The following RFX7 variants were observed in gnomAD, a reference collection of about 807,000 sequenced individuals.
The protein encoded by RFX7 is regulatory factor X7.
In RFX7, 26 loss-of-function variants were observed where a neutral mutation model predicts 111.8. The observed-to-expected ratio is 0.23, with a 90% CI of 0.17 to 0.32. The LOEUF (loss-of-function observed/expected upper bound fraction) is 0.32. Ranked by LOEUF, RFX7 falls within the 10% of genes least tolerant of loss-of-function variation. The pLI, the probability that RFX7 is intolerant of heterozygous loss-of-function variation, is 1.00. For missense variants in RFX7, 1,573 were observed against 1,772.9 expected, an observed-to-expected ratio of 0.89 and a Z score of 2.02; for synonymous variants, 624 against 624.4, an observed-to-expected ratio of 1.00 and a Z score of 0.01.
At chr15:56,130,845 T>C (rs897514437) in intron 5 of RFX7, among the ~76,000 whole-genome samples, 11 of 152,022 alleles carry the variant, frequency 7.2e-5, no homozygotes, top group Non-Finnish European at 1.2e-4. Context: ...ACAAAAGATA[T>C]TAAATTTATG....
chr15:56,243,566 C>G lies in RFX7; in HGVS notation c.-124G>C, dbSNP rs1279891022. ...GGCATGGCGGCGCCCCTCAGCCCCC[C>G]GCTGGCGCCGCCGCCTCCTCCCGTC... On this transcript the variant is annotated 5_prime_UTR_variant, in exon 1 of 10. Coordinates refer to ENST00000559447, the MANE Select transcript of RFX7 (RefSeq NM_022841.7). 6.4e-6 allele frequency: 6 copies of G among 938,976 alleles called. No individual in the cohort carries two copies. Among genetic ancestry groups the G allele is most frequent in the African/African-American group, 3.6e-5 (2 of 55,184 alleles). 58.2% of individuals were successfully genotyped at this position (938,976 alleles called of 1,614,324 possible). A position where few individuals can be genotyped will look rare whatever the true frequency, so the allele number is the denominator to read the frequency against.
intron 5 of RFX7, among the ~76,000 whole-genome samples, chr15:56,137,358 C>G (rs1412791541): frequency 6.6e-6 from 1 of 152,122 alleles, no homozygotes; most frequent in African/African-American, 2.4e-5. Flanking sequence ...GTGTATGTGT[C>G]AAGGAATTTA....
At chr15:56,237,122 T>C (rs564703530) in intron 2 of RFX7, among the ~76,000 whole-genome samples, 1 of 152,314 alleles carries the variant, frequency 6.6e-6, no homozygotes, top group Admixed American at 6.5e-5. Context: ...TTGTTGTCAA[T>C]ATTGATTTAG....
Position 56,207,599 on chromosome 15 carries a change from G to A in RFX7, c.162-28296C>T, listed in dbSNP as rs536486479. Among the ~76,000 whole-genome samples the A allele has an allele frequency of 6.2e-4, 95 of 152,152 alleles. 1 individual carries two copies. The highest frequency in any genetic ancestry group is 6.8e-3 in the Middle Eastern group (2 of 294). Reference sequence around the variant, plus strand: ...AAAGCAATAAACTCTTTCAGATCTAGGGCAAAGCAAAGTTCTTAGACTTGG... The same window carrying A: ...AAAGCAATAAACTCTTTCAGATCTAAGGCAAAGCAAAGTTCTTAGACTTGG... On this transcript the variant is annotated intron_variant, in intron 2 of 9. Transcript: ENST00000559447.
intron 3 of RFX7, among the ~76,000 whole-genome samples, chr15:56,166,768 T>C (rs2042787457): frequency 6.6e-6 from 1 of 152,060 alleles, no homozygotes; most frequent in African/African-American, 2.4e-5. Context: ...TTTTTTTGGT[T>C]TAAAGAGATG....
rs937992340 is a variant in RFX7, at chr15:56,099,333, G to A, written c.812-957C>T. ...GTGGGGAGCAGGAAATAGACAATGA[G>A]GAAGCTATAACTCTCTCCCCATACT... On this transcript the variant is annotated intron_variant, in intron 8 of 9. Transcript: ENST00000559447. Among the ~76,000 whole-genome samples the A allele has an allele frequency of 7.2e-5, 11 of 152,198 alleles. No individual in the cohort carries two copies. The South Asian group carries it at 2.3e-3, about 32-fold the overall frequency.
At chr15:56,098,942 G>A (rs1161657569) in intron 8 of RFX7, among the ~76,000 whole-genome samples, 1 of 152,118 alleles carries the variant, frequency 6.6e-6, no homozygotes, top group East Asian at 1.9e-4. Context: ...ACTATACAAT[G>A]ATTCCAGTAT....
rs1385767894 is a variant in RFX7, at chr15:56,237,238, C to T, written c.161+5887G>A. Among the ~76,000 whole-genome samples the T allele has an allele frequency of 2.6e-5, 4 of 152,276 alleles. No individual in the cohort carries two copies. The East Asian group carries it at 5.8e-4, about 22-fold the overall frequency. ...CTTTTTCCACAGTGCATTACCTTGA[C>T]ACTTGTCACTTCTTTTCCTGGTCCC... is the stretch of plus-strand genomic sequence containing the variant. On this transcript the variant is annotated intron_variant, in intron 2 of 9. Transcript: ENST00000559447.
At chr15:56,146,116 T>C (rs563880645) in intron 3 of RFX7, among the ~76,000 whole-genome samples, 8 of 152,258 alleles carry the variant, frequency 5.3e-5, no homozygotes, top group Non-Finnish European at 1.0e-4. Context: ...ATTGTTTTTT[T>C]TAAGAGAGTC....
At chr15:56,224,107 G>A (rs1434810151) in intron 2 of RFX7, among the ~76,000 whole-genome samples, 1 of 151,738 alleles carries the variant, frequency 6.6e-6, no homozygotes, top group African/African-American at 2.4e-5. Context: ...TAAATAAGAT[G>A]TGGTGGGCCA....
At chr15:56,122,800 G>A (rs553442950) in intron 5 of RFX7, among the ~76,000 whole-genome samples, 6 of 152,034 alleles carry the variant, frequency 3.9e-5, no homozygotes, top group South Asian at 2.1e-4. Flanking sequence ...GAGTCTCCCC[G>A]TGTCCACCAC....
At chr15:56,144,065 T>C (rs1349999850) in intron 4 of RFX7, among the ~76,000 whole-genome samples, 1 of 152,210 alleles carries the variant, frequency 6.6e-6, no homozygotes, top group African/African-American at 2.4e-5. Flanking sequence ...TCTTATACCT[T>C]ATTCCTTATG....
Position 56,088,487 on chromosome 15 carries a change from TTAAG to T in RFX7, c.*4854_*4857del, listed in dbSNP as rs1451717783. 1.3e-5 allele frequency: 2 copies of T among 152,204 alleles called. No homozygotes were observed. Among genetic ancestry groups the T allele is most frequent in the East Asian group, 1.9e-4 (1 of 5,202 alleles). The allele number at this position is 152,204 out of a possible 1,614,324, so 9.4% of individuals were successfully genotyped here. Reference sequence around the variant, plus strand: ...ATGACTCTCTTCTCCTCTCCAAGAATTAAGTACTTCTTAAAAATCAAATCTTGAA... The same window carrying T: ...ATGACTCTCTTCTCCTCTCCAAGAATTACTTCTTAAAAATCAAATCTTGAA... On this transcript the variant is annotated 3_prime_UTR_variant, in exon 10 of 10. Transcript: ENST00000559447.
chr15:56,187,663 T>A (rs1478758494), intron 2 of RFX7, among the ~76,000 whole-genome samples: 2 of 152,196 alleles, frequency 1.3e-5, no homozygotes, highest in East Asian at 1.9e-4. Context: ...AATTTCTATA[T>A]GAACTACGCC....
At chr15:56,123,602 G>A (rs573936459) in intron 5 of RFX7, among the ~76,000 whole-genome samples, 6 of 152,302 alleles carry the variant, frequency 3.9e-5, no homozygotes, top group African/African-American at 1.4e-4. Flanking sequence ...TGCCGCCCAA[G>A]TCCACTGGTT....
At chr15:56,179,237 CA>C in intron 3 of RFX7, 32 bp downstream of exon 3, 1 of 1,104,856 alleles carries the variant, frequency 9.1e-7, no homozygotes, top group Non-Finnish European at 1.2e-6. Context: ...AACCTTATTG[CA>C]AAAGGATTTT....
At chr15:56,192,799 G>A (rs1247591869) in intron 2 of RFX7, 7 of 223,722 alleles carry the variant, frequency 3.1e-5, no homozygotes, top group East Asian at 2.2e-4. Flanking sequence ...CCAGCAAATC[G>A]GTCTTGTTTG....
chr15:56,212,158 A>G (rs2043319102), intron 2 of RFX7, among the ~76,000 whole-genome samples: 1 of 152,198 alleles, frequency 6.6e-6, no homozygotes, highest in African/African-American at 2.4e-5. Context: ...TTAATGGAAT[A>G]TGATTCAGTG....
intron 2 of RFX7, chr15:56,192,689 G>T: frequency 4.6e-6 from 1 of 217,994 alleles, no homozygotes; most frequent in Middle Eastern, 5.1e-4. Flanking sequence ...CCAGGGTTTT[G>T]CTCAAGTTTA....
Sources: gnomAD v4.1 joint callset for allele counts (sites outside exome capture counted in the v4.1 genomes callset) on GRCh38, gnomAD v4.1.1 for gene constraint, MANE v1.5 for transcripts, NCBI Gene and HGNC (gene_info 2026-07-23, HGNC 2026-07-21) for gene names.